SLC44A5: variants seen among roughly 807,000 people sequenced by gnomAD.
SLC44A5 encodes the protein choline transporter-like protein 5.
SLC44A5 carries 57 observed loss-of-function variants against 101.8 expected under a neutral mutation model. That is an observed-to-expected ratio of 0.56 (90% confidence interval 0.45 to 0.70). The LOEUF is 0.70. SLC44A5 is among the 30% of genes least tolerant of loss of function. The probability of loss-of-function intolerance (pLI) is 0.00; values close to 1 mark genes in which losing one functional copy is unlikely to be tolerated. For missense variants in SLC44A5, 737 were observed against 853.1 expected (o/e 0.86, Z 1.70); for synonymous variants, 281 against 290.9 (o/e 0.97, Z 0.35).
intron 2 of SLC44A5, among the ~76,000 whole-genome samples, chr1:75,422,736 TC>T (rs1664084261): frequency 6.6e-6 from 1 of 152,192 alleles, no homozygotes; most frequent in African/African-American, 2.4e-5. Context: ...CCTTATCTGT[TC>T]CGTTTGCTGT....
At position 75,546,193 on chromosome 1, in the gene SLC44A5, T is replaced by A; in HGVS notation, c.-69-4677A>T. Among the ~76,000 whole-genome samples the A allele has an allele frequency of 3.6e-4, 2 of 5,528 alleles. 1 individual carries two copies. The highest frequency in any genetic ancestry group is 7.1e-4 in the Non-Finnish European group (2 of 2,802). The allele number at this position is 5,528 out of a possible 152,430, so 3.6% of individuals were successfully genotyped here. ...TCATAAGACTGTTCAAATTCAAAAT[T>A]TTTTTTTTTTTTTTTTTTTTTTTTT... is the stretch of plus-strand genomic sequence containing the variant. On this transcript the variant is annotated intron_variant, in intron 1 of 23. Transcript: ENST00000370859.
intron 3 of SLC44A5, among the ~76,000 whole-genome samples, chr1:75,363,225 G>C (rs1659621736): frequency 6.6e-6 from 1 of 151,978 alleles, no homozygotes; most frequent in Non-Finnish European, 1.5e-5. Flanking sequence ...AGGCAGTATA[G>C]AGTTGGGTCT....
intron 2 of SLC44A5, among the ~76,000 whole-genome samples, chr1:75,441,726 T>G (rs1247028408): frequency 6.6e-6 from 1 of 152,012 alleles, no homozygotes; most frequent in Non-Finnish European, 1.5e-5. Flanking sequence ...GATTTTAACA[T>G]TTTTTAAATG....
chr1:75,551,251 T>C (rs530118562), intron 1 of SLC44A5, among the ~76,000 whole-genome samples: 1 of 152,232 alleles, frequency 6.6e-6, no homozygotes, highest in Admixed American at 6.6e-5. Context: ...CCATAACTAG[T>C]CATAATCTCA....
chr1:75,405,896 A>AAAC (rs1553174601), intron 2 of SLC44A5, among the ~76,000 whole-genome samples: 13 of 147,682 alleles, frequency 8.8e-5, no homozygotes, highest in African/African-American at 2.7e-4. Context: ...AAAAAAAAAA[A>AAAC]CCCTTTAAAA....
At chr1:75,325,488 G>T (rs140301701) in intron 4 of SLC44A5, among the ~76,000 whole-genome samples, 1 of 151,792 alleles carries the variant, frequency 6.6e-6, no homozygotes, top group Non-Finnish European at 1.5e-5. Flanking sequence ...CCACAGTTTC[G>T]CTTTCCAAGG....
chr1:75,297,789 A>G (rs1483042615), intron 5 of SLC44A5, among the ~76,000 whole-genome samples: 1 of 152,190 alleles, frequency 6.6e-6, no homozygotes, highest in African/African-American at 2.4e-5. Flanking sequence ...TCAAGATTTG[A>G]TTACTTCTAC....
At chr1:75,477,322 A>G (rs953488879) in intron 2 of SLC44A5, among the ~76,000 whole-genome samples, 2 of 152,186 alleles carry the variant, frequency 1.3e-5, no homozygotes, top group East Asian at 3.8e-4. Flanking sequence ...GAGCAGAAAA[A>G]CTGGAAACTC....
intron 2 of SLC44A5, among the ~76,000 whole-genome samples, chr1:75,412,499 T>C (rs1318734763): frequency 6.6e-6 from 1 of 152,156 alleles, no homozygotes; most frequent in Non-Finnish European, 1.5e-5. Context: ...AATTTGCATT[T>C]GGAGTAAAAT....
chr1:75,620,233 T>A, the SLC44A5 span, among the ~76,000 whole-genome samples: 1 of 152,308 alleles, frequency 6.6e-6, no homozygotes, highest in Middle Eastern at 3.4e-3. Context: ...AGTCTATCAC[T>A]GTTGGGCCTT....
the SLC44A5 span, among the ~76,000 whole-genome samples, chr1:75,630,291 T>A: frequency 6.6e-6 from 1 of 152,160 alleles, no homozygotes; most frequent in Non-Finnish European, 1.5e-5. Flanking sequence ...ACCTCTCAGT[T>A]CCTGTCCTTC....
At chr1:75,542,826 C>T (rs1346989938) in intron 1 of SLC44A5, among the ~76,000 whole-genome samples, 1 of 152,040 alleles carries the variant, frequency 6.6e-6, no homozygotes, top group African/African-American at 2.4e-5. Flanking sequence ...AATAATTTTG[C>T]TGACTGAAAA....
At chr1:75,309,953 T>A (rs971523693) in intron 4 of SLC44A5, among the ~76,000 whole-genome samples, 1 of 152,224 alleles carries the variant, frequency 6.6e-6, no homozygotes, top group Admixed American at 6.5e-5. Flanking sequence ...CTATTTTATC[T>A]ACAGGCTGGT....
intron 1 of SLC44A5, among the ~76,000 whole-genome samples, chr1:75,573,756 CA>C (rs1673212781): frequency 6.6e-6 from 1 of 151,462 alleles, no homozygotes; most frequent in African/African-American, 2.4e-5. Flanking sequence ...TAAATTGTCA[CA>C]ATAATAATTT....
intron 6 of SLC44A5, among the ~76,000 whole-genome samples, chr1:75,267,905 T>A (rs1368331312): frequency 6.6e-6 from 1 of 152,130 alleles, no homozygotes; most frequent in Non-Finnish European, 1.5e-5. Flanking sequence ...AATATTTTTC[T>A]GCATACATGC....
intron 2 of SLC44A5, among the ~76,000 whole-genome samples, chr1:75,506,477 C>T (rs974261695): frequency 9.2e-5 from 14 of 151,978 alleles, no homozygotes; most frequent in East Asian, 1.9e-4. Flanking sequence ...TTCCAATTGA[C>T]GAGCATGGAA....
At chr1:75,205,666 G>T (rs1014341754) in intron 23 of SLC44A5, 1 of 152,172 alleles carries the variant, frequency 6.6e-6, no homozygotes, top group East Asian at 1.9e-4. Context: ...AAAATCTGAA[G>T]TGTCTTTCTT....
the SLC44A5 span, among the ~76,000 whole-genome samples, chr1:75,712,776 T>C: frequency 2.6e-5 from 4 of 151,712 alleles, no homozygotes; most frequent in African/African-American, 4.8e-5. Flanking sequence ...ATTAGTTTTA[T>C]AATTACAATT....
chr1:75,314,855 T>C (rs1655575627), intron 4 of SLC44A5, among the ~76,000 whole-genome samples: 1 of 152,194 alleles, frequency 6.6e-6, no homozygotes, highest in South Asian at 2.1e-4. Flanking sequence ...CCTAGAAGAA[T>C]AAAGTATTAA....
Sources: gnomAD v4.1 joint callset for allele counts (sites outside exome capture counted in the v4.1 genomes callset) on GRCh38, gnomAD v4.1.1 for gene constraint, MANE v1.5 for transcripts, NCBI Gene and HGNC (gene_info 2026-07-23, HGNC 2026-07-21) for gene names.